Variants in RIMOC1 observed in about 807,000 individuals in gnomAD.
The protein encoded by RIMOC1 is RAB7A interacting MON1-CCZ1 complex subunit 1.
the RIMOC1 span, chr5:41,921,292 G>A: frequency 6.6e-6 from 1 of 152,534 alleles, no homozygotes; most frequent in Non-Finnish European, 1.5e-5. Context: ...AAAACTCACA[G>A]TTGGTTAACA....
the RIMOC1 span, among the ~76,000 whole-genome samples, chr5:41,906,799 G>A: frequency 1.3e-5 from 2 of 152,206 alleles, no homozygotes; most frequent in East Asian, 3.8e-4. Flanking sequence ...TGTAACTCCT[G>A]AGGCTGGATC....
At chr5:41,908,086 T>C in the RIMOC1 span, among the ~76,000 whole-genome samples, 1 of 152,306 alleles carries the variant, frequency 6.6e-6, no homozygotes, top group Non-Finnish European at 1.5e-5. Context: ...CGGAATTGTT[T>C]TCCTTTAGAG....
chr5:41,908,935 T>C, the RIMOC1 span, among the ~76,000 whole-genome samples: 8 of 152,188 alleles, frequency 5.3e-5, no homozygotes, highest in African/African-American at 1.4e-4. Flanking sequence ...TTACTCCTCA[T>C]GTTCACAGAA....
the RIMOC1 span, chr5:41,917,428 G>A: frequency 3.6e-6 from 5 of 1,379,160 alleles, no homozygotes; most frequent in South Asian, 1.9e-5. Flanking sequence ...ATCCAGCTTG[G>A]GTACCCTACT....
chr5:41,905,481 G>C, the RIMOC1 span, among the ~76,000 whole-genome samples: 1 of 152,186 alleles, frequency 6.6e-6, no homozygotes, highest in African/African-American at 2.4e-5. Flanking sequence ...TGTCATCCAG[G>C]TTGGTCCTGA....
At chr5:41,905,636 A>C in the RIMOC1 span, among the ~76,000 whole-genome samples, 1 of 152,270 alleles carries the variant, frequency 6.6e-6, no homozygotes, top group Non-Finnish European at 1.5e-5. Flanking sequence ...CTGTGGATTC[A>C]CATGAATAAT....
the RIMOC1 span, among the ~76,000 whole-genome samples, chr5:41,912,978 TA>T: frequency 3.9e-5 from 6 of 152,306 alleles, no homozygotes; most frequent in South Asian, 1.2e-3. Flanking sequence ...CATTCTTCTT[TA>T]AAACCAGACC....
the RIMOC1 span, among the ~76,000 whole-genome samples, chr5:41,915,955 A>T: frequency 3.1e-4 from 47 of 152,324 alleles, 1 homozygote; most frequent in African/African-American, 1.1e-3. Context: ...CTTGCAATAG[A>T]TTCAAACAGA....
At chr5:41,907,819 A>C in the RIMOC1 span, 33 of 1,606,248 alleles carry the variant, frequency 2.1e-5, no homozygotes, top group Non-Finnish European at 2.7e-5. Context: ...AAATCCATCA[A>C]ATCTTCTAGA....
the RIMOC1 span, among the ~76,000 whole-genome samples, chr5:41,905,204 C>G: frequency 6.6e-6 from 1 of 152,208 alleles, no homozygotes; most frequent in African/African-American, 2.4e-5. Context: ...TCATCGGACT[C>G]ATAGGAAAAC....
At chr5:41,911,264 G>A in the RIMOC1 span, 8 of 1,221,768 alleles carry the variant, frequency 6.5e-6, no homozygotes, top group Non-Finnish European at 7.8e-6. Flanking sequence ...TAAGAGTAGT[G>A]GATCAAAGGG....
At chr5:41,914,462 A>AAAC in the RIMOC1 span, among the ~76,000 whole-genome samples, 1 of 30,448 alleles carries the variant, frequency 3.3e-5, no homozygotes, top group African/African-American at 8.3e-5. Context: ...GTCTCAAACA[A>AAAC]AACAAAACAA....
At chr5:41,911,505 C>T in the RIMOC1 span, among the ~76,000 whole-genome samples, 1 of 152,180 alleles carries the variant, frequency 6.6e-6, no homozygotes, top group Admixed American at 6.5e-5. Flanking sequence ...CAGCAGATCA[C>T]TTCTAAGGAA....
the RIMOC1 span, chr5:41,911,923 T>A: frequency 1.9e-5 from 12 of 637,710 alleles, no homozygotes; most frequent in African/African-American, 2.2e-4. Context: ...TGGTGGGTCT[T>A]TATACCATTG....
the RIMOC1 span, chr5:41,918,263 G>C: frequency 1.0e-6 from 1 of 985,824 alleles, no homozygotes; most frequent in South Asian, 4.7e-5. Context: ...ACCACCTTGA[G>C]TTTCTCTTTC....
chr5:41,904,499 G>A, the RIMOC1 span: 1 of 1,597,230 alleles, frequency 6.3e-7, no homozygotes, highest in Non-Finnish European at 8.6e-7. Context: ...AGGCGGGCGG[G>A]GCAGACGGCG....
chr5:41,917,677 C>T, the RIMOC1 span: 2 of 969,472 alleles, frequency 2.1e-6, no homozygotes, highest in Non-Finnish European at 1.2e-6. Flanking sequence ...ATCTCACTAC[C>T]TTGAAGTTTG....
chr5:41,919,806 T>C, the RIMOC1 span: 1 of 152,210 alleles, frequency 6.6e-6, no homozygotes. Context: ...GATGCTCCTT[T>C]GTTCTGGTCC....
chr5:41,914,703 G>A, the RIMOC1 span, among the ~76,000 whole-genome samples: 2 of 152,046 alleles, frequency 1.3e-5, no homozygotes, highest in African/African-American at 4.8e-5. Context: ...CCAGGAGTTT[G>A]AGGCTGCAGT....
Sources: allele counts gnomAD v4.1 joint callset (sites outside exome capture counted in the v4.1 genomes callset), GRCh38; gene constraint gnomAD v4.1.1; transcripts MANE v1.5; gene names NCBI Gene and HGNC (gene_info 2026-07-23, HGNC 2026-07-21).